PDE10A: variants seen among roughly 807,000 people sequenced by gnomAD.
PDE10A encodes the protein phosphodiesterase 10A, also known as cAMP and cAMP-inhibited cGMP 3',5'-cyclic phosphodiesterase 10A.
A neutral mutation model predicts 97.7 loss-of-function variants in PDE10A; 39 were observed. The ratio of observed to expected loss-of-function variants is 0.40; its 90% confidence interval spans 0.31 to 0.52. PDE10A has a LOEUF of 0.52. Ranked by LOEUF, PDE10A falls within the 20% of genes least tolerant of loss-of-function variation. The probability of loss-of-function intolerance (pLI) is 0.56; values close to 1 mark genes in which losing one functional copy is unlikely to be tolerated. For synonymous variants in PDE10A, 371 were observed against 376.8 expected, an observed-to-expected ratio of 0.98 and a Z score of 0.18; for missense variants, 731 against 1,047.8, an observed-to-expected ratio of 0.70 and a Z score of 4.17.
intron 5 of PDE10A, among the ~76,000 whole-genome samples, chr6:165,441,189 G>A (rs1562470122): frequency 6.6e-6 from 1 of 152,062 alleles, no homozygotes; most frequent in Non-Finnish European, 1.5e-5. Flanking sequence ...AATCCCCACT[G>A]AAATATTGTC....
chr6:165,687,470 C>A lies in PDE10A; in HGVS notation c.-614-143902G>T, dbSNP rs537864157. Among the ~76,000 whole-genome samples, 3 of 152,332 alleles carry A rather than the reference C, an allele frequency of 2.0e-5. No homozygotes were observed. In the East Asian group the frequency reaches 5.8e-4, roughly 29 times the overall value. ...CAGCTCTGAACTATCACCCCATCTA[C>A]AGAGACAGACTTTAACTATTGTTTA... On this transcript the variant is annotated intron_variant, in intron 1 of 19. Transcript: ENST00000366882.
In PDE10A at chr6:165,371,031, T is replaced by C. The variant is rs1031383740; in HGVS notation, c.2783+8163A>G. ...AAATAAAGATGTTCTCTGAAACCAA[T>C]GAGAACAAAGACACAACATACCAGA... On this transcript the variant is annotated intron_variant, in intron 18 of 21. Transcript: ENST00000539869. Among the ~76,000 whole-genome samples the C allele has an allele frequency of 7.1e-5, 10 of 140,472 alleles. No homozygotes were observed. In the South Asian group the frequency reaches 9.1e-4, roughly 13 times the overall value. The allele number at this position is 140,472 out of a possible 152,430, so 92.2% of individuals were successfully genotyped here. A position where few individuals can be genotyped will look rare whatever the true frequency, so the allele number is the denominator to read the frequency against.
intron 2 of PDE10A, among the ~76,000 whole-genome samples, chr6:165,535,059 ACAAG>A (rs1782997534): frequency 6.6e-6 from 1 of 152,048 alleles, no homozygotes; most frequent in South Asian, 2.1e-4. Flanking sequence ...ACTTTAGCAA[ACAAG>A]CTATTTGAAC....
chr6:165,622,854 C>A (rs904871801), intron 1 of PDE10A, among the ~76,000 whole-genome samples: 2 of 152,140 alleles, frequency 1.3e-5, no homozygotes, highest in Non-Finnish European at 2.9e-5. Context: ...GGTGGGGCCC[C>A]GTGGGAGGTG....
chr6:165,808,401 C>T (rs1424859805), intron 1 of PDE10A, among the ~76,000 whole-genome samples: 3 of 152,182 alleles, frequency 2.0e-5, no homozygotes, highest in Non-Finnish European at 2.9e-5. Flanking sequence ...CGGGTGATGT[C>T]GCAGGAGGAG....
At chr6:165,454,029 T>C (rs181504177) in intron 3 of PDE10A, among the ~76,000 whole-genome samples, 8 of 152,328 alleles carry the variant, frequency 5.3e-5, no homozygotes, top group African/African-American at 1.7e-4. Flanking sequence ...ATGGGACAAA[T>C]TGAGTCAAAG....
At chr6:165,790,242 T>G (rs1778610673) in intron 1 of PDE10A, among the ~76,000 whole-genome samples, 1 of 152,224 alleles carries the variant, frequency 6.6e-6, no homozygotes, top group African/African-American at 2.4e-5. Flanking sequence ...GGAAGCACAA[T>G]ATTGATTTTC....
chr6:165,335,292 C>T (rs1005441109), intron 21 of PDE10A, among the ~76,000 whole-genome samples: 10 of 151,978 alleles, frequency 6.6e-5, no homozygotes, highest in African/African-American at 2.2e-4. Context: ...TTTAAGGTCC[C>T]CTTCTTCCAT....
rs150815309 is a variant in PDE10A, at chr6:165,385,004, A to T, written c.2610+3294T>A. 8.2e-3 allele frequency among the ~76,000 whole-genome samples: 1,248 copies of T among 152,280 alleles called. 17 individuals carry two copies. The highest frequency in any genetic ancestry group is 0.029 in the African/African-American group (1,188 of 41,548). On this transcript the variant is annotated intron_variant, in intron 17 of 21. Coordinates refer to ENST00000539869, the MANE Select transcript of PDE10A (RefSeq NM_001385079.1). ...CAATGCAGATCAAGAAAGCAATGGG[A>T]AAAGTCTTTTGTGGATAAACAGAAG...
intron 17 of PDE10A, among the ~76,000 whole-genome samples, chr6:165,384,631 A>AGTGTGTGTGTGTGTGT (rs57175607): frequency 3.0e-5 from 2 of 66,956 alleles, no homozygotes; most frequent in Non-Finnish European, 6.0e-5. Context: ...TGTGTGAGTG[A>AGTGTGTGTGTGTGTGT]GTGTGTGTGT....
At position 165,711,741 on chromosome 6, in the gene PDE10A, T is replaced by C. The variant is rs1791900538; in HGVS notation, c.-614-168173A>G. On this transcript the variant is annotated intron_variant, in intron 1 of 19. Coordinates refer to the PDE10A transcript ENST00000366882. This position sits in a 1 kb window ranked among gnomAD's most constrained non-coding sequence, Gnocchi z 4.5. ...AGCCTGTTCAGAACAACCCAGGAAC[T>C]GTGCTAATTCACTCGTCAGACCAGC... Among the ~76,000 whole-genome samples, 1 of 152,196 alleles carries C rather than the reference T, an allele frequency of 6.6e-6. No individual in the cohort carries two copies. The highest frequency in any genetic ancestry group is 6.5e-5 in the Admixed American group (1 of 15,286).
chr6:165,873,872 A>T (rs903136098), intron 1 of PDE10A, among the ~76,000 whole-genome samples: 3 of 152,244 alleles, frequency 2.0e-5, no homozygotes, highest in Admixed American at 6.5e-5. Context: ...TTTTTAAAAA[A>T]TTAATCATTT....
chr6:165,440,057 G>GA (rs199891521), intron 5 of PDE10A, among the ~76,000 whole-genome samples: 33 of 150,694 alleles, frequency 2.2e-4, no homozygotes, highest in African/African-American at 6.1e-4. Flanking sequence ...TTCTTAAGAA[G>GA]AAAAAAAAAG....
intron 1 of PDE10A, among the ~76,000 whole-genome samples, chr6:165,796,353 TGGG>T (rs1478053471): frequency 2.0e-5 from 3 of 152,184 alleles, no homozygotes; most frequent in Admixed American, 2.0e-4. Flanking sequence ...CCTAAAGTGC[TGGG>T]GTTATAGGCG....
At chr6:165,543,684 A>T (rs931194390) in intron 1 of PDE10A, 116 bp from the exon 2 acceptor site, 8 of 731,502 alleles carry the variant, frequency 1.1e-5, no homozygotes, top group African/African-American at 1.8e-5. Context: ...TAACGGAGAG[A>T]GGGCTGGAAA....
intron 1 of PDE10A, among the ~76,000 whole-genome samples, chr6:165,942,018 T>A (rs1440935439): frequency 3.3e-5 from 5 of 152,160 alleles, no homozygotes; most frequent in Non-Finnish European, 7.4e-5. Context: ...CACATAGCCA[T>A]CCTCTCATGA....
intron 3 of PDE10A, among the ~76,000 whole-genome samples, chr6:165,470,904 G>T (rs1316984687): frequency 6.6e-6 from 1 of 151,986 alleles, no homozygotes; most frequent in Non-Finnish European, 1.5e-5. Flanking sequence ...TATTTTAAGA[G>T]AAAAAAACTA....
chr6:165,565,640 C>A (rs961997138), intron 1 of PDE10A, among the ~76,000 whole-genome samples: 1 of 151,994 alleles, frequency 6.6e-6, no homozygotes, highest in African/African-American at 2.4e-5. Flanking sequence ...TGTAAGAGAA[C>A]AACAAAGTTC....
chr6:165,568,038 G>A (rs1047665400), intron 1 of PDE10A, among the ~76,000 whole-genome samples: 5 of 119,660 alleles, frequency 4.2e-5, no homozygotes, highest in Admixed American at 1.2e-4. Context: ...TCGCTCTGTC[G>A]CCCAGGCTGG....
Sources: allele counts gnomAD v4.1 joint callset (sites outside exome capture counted in the v4.1 genomes callset), GRCh38; gene constraint gnomAD v4.1.1; non-coding constraint Gnocchi (gnomAD v3.1); transcripts MANE v1.5; gene names NCBI Gene and HGNC (gene_info 2026-07-23, HGNC 2026-07-21).